PCSK6: variants seen among roughly 807,000 people sequenced by gnomAD.
The protein encoded by PCSK6 is paired basic amino acid cleaving enzyme 4.
Under a neutral mutation model 123.3 loss-of-function variants are expected in PCSK6, and 85 were observed. That is an observed-to-expected ratio of 0.69 (90% CI 0.58 to 0.83). The LOEUF (loss-of-function observed/expected upper bound fraction) is 0.83. PCSK6 is among the 40% of genes least tolerant of loss of function. PCSK6 has a pLI of 0.00. For synonymous variants in PCSK6, 508 were observed against 516.0 expected (o/e 0.98, Z 0.21); for missense variants, 1,191 against 1,282.3 (o/e 0.93, Z 1.09).
chr15:101,330,138 C>T (rs2040343403), intron 15 of PCSK6, among the ~76,000 whole-genome samples: 1 of 152,242 alleles, frequency 6.6e-6, no homozygotes, highest in Non-Finnish European at 1.5e-5. Flanking sequence ...TTCAGAACCA[C>T]AGCACTGACA....
intron 1 of PCSK6, among the ~76,000 whole-genome samples, chr15:101,450,968 T>G (rs1273834511): frequency 6.6e-6 from 1 of 151,114 alleles, no homozygotes; most frequent in Non-Finnish European, 1.5e-5. Flanking sequence ...TGAGAAGAAC[T>G]CTCGGGCGCA....
At chr15:101,370,641 C>T (rs528941182) in intron 11 of PCSK6, 118 bp from the exon 12 acceptor site, 25 of 903,968 alleles carry the variant, frequency 2.8e-5, no homozygotes, top group African/African-American at 1.2e-4. Flanking sequence ...GCCCTGCGGG[C>T]CCCGGGGAGC....
intron 6 of PCSK6, among the ~76,000 whole-genome samples, chr15:101,402,489 C>T (rs2042620525): frequency 6.6e-6 from 1 of 152,116 alleles, no homozygotes; most frequent in Non-Finnish European, 1.5e-5. Context: ...AGGCAACCTA[C>T]AAAACGGGAG....
chr15:101,454,477 A>T (rs964070130), intron 1 of PCSK6, among the ~76,000 whole-genome samples: 27 of 152,262 alleles, frequency 1.8e-4, no homozygotes, highest in African/African-American at 6.3e-4. Flanking sequence ...ATGCTACAAC[A>T]CAGATGAGCC....
chr15:101,462,261 G>T (rs2057356815), intron 1 of PCSK6, among the ~76,000 whole-genome samples: 1 of 152,118 alleles, frequency 6.6e-6, no homozygotes, highest in South Asian at 2.1e-4. Context: ...GTGTATATAA[G>T]AATTTACAAA....
intron 1 of PCSK6, among the ~76,000 whole-genome samples, chr15:101,464,473 G>A (rs900044590): frequency 6.6e-6 from 1 of 152,148 alleles, no homozygotes; most frequent in Non-Finnish European, 1.5e-5. Context: ...AAAACCAATC[G>A]CTGATGAGGT....
rs376981204 is a variant in PCSK6, at chr15:101,412,712, T to TATATATATATATATATATAA, written c.824-14137_824-14136insTTATATATATATATATATAT. On this transcript the variant is annotated intron_variant, in intron 6 of 21. Coordinates refer to ENST00000611716, the MANE Select transcript of PCSK6 (RefSeq NM_002570.5). ...AAAATTATATATATATATATATATA[T>TATATATATATATATATATAA]AAAATTACCCAATCTGAACAACATA... Among the ~76,000 whole-genome samples the TATATATATATATATATATAA allele has an allele frequency of 4.1e-3, 552 of 136,154 alleles. 2 individuals carry two copies. The highest frequency in any genetic ancestry group is 0.015 in the Middle Eastern group (4 of 260). The allele number at this position is 136,154 out of a possible 152,430, so 89.3% of individuals were successfully genotyped here.
intron 8 of PCSK6, 95 bp downstream of exon 8, chr15:101,393,117 A>G (rs2042282224): frequency 9.6e-7 from 1 of 1,045,936 alleles, no homozygotes. Context: ...ATCTGGCCTC[A>G]ATCTAAGCCA....
intron 6 of PCSK6, among the ~76,000 whole-genome samples, chr15:101,416,840 G>A (rs1472371389): frequency 6.6e-6 from 1 of 152,246 alleles, no homozygotes; most frequent in Non-Finnish European, 1.5e-5. Flanking sequence ...TGAGGTTTGG[G>A]AACCTCCACC....
intron 12 of PCSK6, 94 bp from the exon 13 acceptor site, chr15:101,366,426 T>C (rs1338332217): frequency 1.5e-6 from 2 of 1,344,296 alleles, no homozygotes; most frequent in East Asian, 2.4e-5. Flanking sequence ...GGGGACTGTA[T>C]GACCTGGCTG....
At chr15:101,474,708 C>G (rs1015317465) in intron 1 of PCSK6, among the ~76,000 whole-genome samples, 1 of 152,192 alleles carries the variant, frequency 6.6e-6, no homozygotes, top group Non-Finnish European at 1.5e-5. Context: ...ACTAAGCCCT[C>G]CAGGCAATAC....
chr15:101,355,960 A>G (rs2041025931), intron 13 of PCSK6, among the ~76,000 whole-genome samples: 1 of 152,196 alleles, frequency 6.6e-6, no homozygotes, highest in Non-Finnish European at 1.5e-5. Flanking sequence ...CCTATCTTAC[A>G]GGAGAGGAGA....
intron 1 of PCSK6, among the ~76,000 whole-genome samples, chr15:101,457,847 C>A (rs1399298039): frequency 6.6e-6 from 1 of 152,218 alleles, no homozygotes; most frequent in Middle Eastern, 3.2e-3. Context: ...AATGAGCCTG[C>A]GCTATCTGTC....
Position 101,461,022 on chromosome 15 carries a change from C to A in PCSK6, c.298-17362G>T, listed in dbSNP as rs551339074. ...TGAGAAGAAGGTAATACAATTAGGA[C>A]CAGAACTCTGTAAAAGTAGAAAACA... On this transcript the variant is annotated intron_variant, in intron 1 of 21. Transcript: ENST00000611716. Among the ~76,000 whole-genome samples the A allele has an allele frequency of 1.5e-3, 231 of 151,990 alleles. 2 individuals carry two copies. The highest frequency in any genetic ancestry group is 5.2e-3 in the African/African-American group (214 of 41,442).
intron 13 of PCSK6, among the ~76,000 whole-genome samples, chr15:101,362,976 G>C (rs1455056324): frequency 6.6e-6 from 1 of 152,172 alleles, no homozygotes; most frequent in African/African-American, 2.4e-5. Context: ...ACCCTGACGA[G>C]CCCCGGTATT....
chr15:101,326,638 C>T (rs542503463), intron 15 of PCSK6, among the ~76,000 whole-genome samples, 159 bp from the exon 16 acceptor site: 17 of 152,370 alleles, frequency 1.1e-4, no homozygotes, highest in African/African-American at 3.1e-4. Context: ...CGGGAGCAGC[C>T]GTCCCTGCGG....
chr15:101,468,013 T>C (rs1445180210), intron 1 of PCSK6, among the ~76,000 whole-genome samples: 1 of 152,106 alleles, frequency 6.6e-6, no homozygotes, highest in Non-Finnish European at 1.5e-5. Context: ...ACAAATATAT[T>C]GTGGGAAATA....
At chr15:101,390,471 T>C (rs2042201020) in intron 8 of PCSK6, among the ~76,000 whole-genome samples, 1 of 152,198 alleles carries the variant, frequency 6.6e-6, no homozygotes, top group Non-Finnish European at 1.5e-5. Flanking sequence ...GTAGACCTGC[T>C]GCCACCACAG....
intron 12 of PCSK6, among the ~76,000 whole-genome samples, chr15:101,368,662 C>A (rs1165700125): frequency 2.6e-5 from 4 of 152,160 alleles, no homozygotes; most frequent in African/African-American, 9.7e-5. Context: ...GGTCACAAAC[C>A]TGGGTGCCAC....
Sources: allele counts gnomAD v4.1 joint callset (sites outside exome capture counted in the v4.1 genomes callset), GRCh38; gene constraint gnomAD v4.1.1; transcripts MANE v1.5; gene names NCBI Gene and HGNC (gene_info 2026-07-23, HGNC 2026-07-21).